The following ECM2 variants were observed in gnomAD, a reference collection of about 807,000 sequenced individuals.
ECM2 encodes extracellular matrix protein 2.
A neutral mutation model predicts 67.5 loss-of-function variants in ECM2; 57 were observed. The observed-to-expected ratio is 0.84, with a 90% CI of 0.68 to 1.05. ECM2 has a LOEUF of 1.05. Ranked by LOEUF, ECM2 falls within the 50% of genes least tolerant of loss-of-function variation. The pLI, the probability that ECM2 is intolerant of heterozygous loss-of-function variation, is 0.00. For synonymous variants in ECM2, 258 were observed against 294.5 expected (o/e 0.88, Z 1.27); for missense variants, 741 against 822.8 (o/e 0.90, Z 1.22).
Position 92,495,535 on chromosome 9 carries a change from T to C in ECM2, c.*780A>G. ...TAATTAATTTGTATTTTAAGCAAAC[T>C]CTACTGCTTTTCAAAAAATGTCTTA... On this transcript the variant is annotated 3_prime_UTR_variant, in exon 10 of 10. Coordinates refer to ENST00000344604, the MANE Select transcript of ECM2 (RefSeq NM_001393.4). The C allele has an allele frequency of 8.1e-6, 8 of 982,158 alleles. No individual in the cohort carries two copies. In the South Asian group the frequency reaches 3.3e-4, roughly 41 times the overall value. The allele number at this position is 982,158 out of a possible 1,614,324, so 60.8% of individuals were successfully genotyped here.
chr9:92,521,852 A>G (rs936140142), intron 2 of ECM2, among the ~76,000 whole-genome samples: 32 of 152,300 alleles, frequency 2.1e-4, no homozygotes, highest in African/African-American at 7.0e-4. Flanking sequence ...TCTGTATTCT[A>G]GATGATCTAT....
chr9:92,517,520 C>A, intron 3 of ECM2, 167 bp downstream of exon 3: 1 of 869,120 alleles, frequency 1.2e-6, no homozygotes, highest in South Asian at 1.6e-5. Context: ...ATATCCCCTA[C>A]CATACATTTT....
At chr9:92,529,725 T>G (rs1848632522) in intron 1 of ECM2, among the ~76,000 whole-genome samples, 1 of 152,200 alleles carries the variant, frequency 6.6e-6, no homozygotes, top group Non-Finnish European at 1.5e-5. Flanking sequence ...ATGGCATATG[T>G]ATGATTTCAA....
chr9:92,509,076 TGTCTAGCACAGTCCCGAAACAAGCA>T (rs1011105821), intron 6 of ECM2, among the ~76,000 whole-genome samples: 20 of 151,756 alleles, frequency 1.3e-4, no homozygotes, highest in African/African-American at 4.8e-4. Context: ...CAACTTCAGC[TGTCTAGCACAGTCCCGAAACAAGCA>T]GAAGAGGGGC....
the ECM2 span, among the ~76,000 whole-genome samples, chr9:92,543,013 A>G: frequency 1.3e-5 from 2 of 152,280 alleles, no homozygotes; most frequent in East Asian, 3.9e-4. Context: ...CTTTTGTCAA[A>G]AACCAATTCA....
chr9:92,537,818 G>A (rs1298222737), upstream of ECM2, among the ~76,000 whole-genome samples: 1 of 152,102 alleles, frequency 6.6e-6, no homozygotes, highest in Non-Finnish European at 1.5e-5. Context: ...AAACAGGAAG[G>A]TTATTTTTTC....
chr9:92,495,809 A>T lies in ECM2; in HGVS notation c.*506T>A. The T allele has an allele frequency of 1.0e-6, 1 of 954,572 alleles. No homozygotes were observed. The highest frequency in any genetic ancestry group is 1.2e-6 in the Non-Finnish European group (1 of 801,888). The allele number at this position is 954,572 out of a possible 1,614,324, so 59.1% of individuals were successfully genotyped here. ...ATGAAAGCTACCCCAATATTCAGTT[A>T]TATTTATACCAGTAATTATAGCACA... On this transcript the variant is annotated 3_prime_UTR_variant, in exon 10 of 10. Transcript: ENST00000344604.
At chr9:92,530,551 G>A (rs1848683577) in intron 1 of ECM2, among the ~76,000 whole-genome samples, 1 of 152,012 alleles carries the variant, frequency 6.6e-6, no homozygotes, top group Non-Finnish European at 1.5e-5. Context: ...CTAATAATTT[G>A]CCTTGTTTGT....
At chr9:92,528,172 G>C (rs1400971569) in intron 1 of ECM2, 2 of 152,272 alleles carry the variant, frequency 1.3e-5, no homozygotes, top group Non-Finnish European at 2.9e-5. Context: ...CTTAAAAATA[G>C]AGCAACATAT....
intron 7 of ECM2, 30 bp from the exon 8 acceptor site, chr9:92,502,682 T>G: frequency 6.7e-7 from 1 of 1,500,544 alleles, no homozygotes; most frequent in Non-Finnish European, 9.1e-7. Context: ...CTATTATTTT[T>G]CTTTTGTGTT....
Position 92,535,967 on chromosome 9 carries a change from T to A in ECM2, c.-62A>T. 1 of 509,856 alleles carries A rather than the reference T, an allele frequency of 2.0e-6. No homozygotes were observed. Among genetic ancestry groups the A allele is most frequent in the Non-Finnish European group, 3.9e-6 (1 of 257,876 alleles). 31.6% of individuals were successfully genotyped at this position (509,856 alleles called of 1,614,324 possible). On this transcript the variant is annotated 5_prime_UTR_variant, in exon 1 of 10. Transcript: ENST00000344604. Reference sequence around the variant, plus strand: ...TAAACTAAGTAGGCTTTGCTTGGTGTCATTTAAGTCTCCAGCTGAAAATGA... The same window carrying A: ...TAAACTAAGTAGGCTTTGCTTGGTGACATTTAAGTCTCCAGCTGAAAATGA...
chr9:92,557,078 T>C, the ECM2 span, among the ~76,000 whole-genome samples: 3 of 152,230 alleles, frequency 2.0e-5, no homozygotes, highest in Admixed American at 6.5e-5. Context: ...ATATCTTTCC[T>C]TCACATGATG....
chr9:92,504,400 A>G (rs747352075), intron 7 of ECM2, among the ~76,000 whole-genome samples: 5 of 152,166 alleles, frequency 3.3e-5, no homozygotes, highest in Non-Finnish European at 5.9e-5. Context: ...GCAGCCGGAG[A>G]ATGCTCCATC....
In ECM2 at chr9:92,496,233, A is replaced by G; in HGVS notation, c.*82T>C. The G allele has an allele frequency of 1.3e-6, 2 of 1,495,942 alleles. No homozygotes were observed. Among genetic ancestry groups the G allele is most frequent in the Non-Finnish European group, 1.8e-6 (2 of 1,134,288 alleles). The allele number at this position is 1,495,942 out of a possible 1,614,324, so 92.7% of individuals were successfully genotyped here. A position where few individuals can be genotyped will look rare whatever the true frequency, so the allele number is the denominator to read the frequency against. On this transcript the variant is annotated 3_prime_UTR_variant, in exon 10 of 10. Transcript: ENST00000344604. Reference sequence around the variant, plus strand: ...TAATGATACTGAGTATAACAGGAGGATTATGTCTCTCTTATTAATGACAAA... The same window carrying G: ...TAATGATACTGAGTATAACAGGAGGGTTATGTCTCTCTTATTAATGACAAA...
At chr9:92,541,608 C>G (rs1849322284), upstream of ECM2, among the ~76,000 whole-genome samples, 1 of 151,844 alleles carries the variant, frequency 6.6e-6, no homozygotes, top group Non-Finnish European at 1.5e-5. Context: ...GCTTATTTCA[C>G]TTAGCATAAT....
chr9:92,517,460 GT>G lies in ECM2; in HGVS notation c.481+226del, dbSNP rs1847799184. 4.8e-6 allele frequency: 3 copies of G among 622,852 alleles called. No homozygotes were observed. The South Asian group carries it at 6.1e-5, about 13-fold the overall frequency. The allele number at this position is 622,852 out of a possible 1,614,324, so 38.6% of individuals were successfully genotyped here. ...AAATGTGGAATGTAATCTCATCCAA[GT>G]TTACTGAATCTGATAGAGCTAGAAC... On this transcript the variant is annotated intron_variant, in intron 3 of 9. Transcript: ENST00000344604.
intron 6 of ECM2, 120 bp downstream of exon 6, chr9:92,509,779 T>C: frequency 7.2e-6 from 8 of 1,111,930 alleles, no homozygotes; most frequent in Non-Finnish European, 9.8e-6. Flanking sequence ...ACTCAAATGG[T>C]TAAGTGACCT....
chr9:92,505,423 C>A, intron 7 of ECM2, 110 bp downstream of exon 7: 1 of 975,042 alleles, frequency 1.0e-6, no homozygotes. Context: ...CTGTATACAG[C>A]ATGAAACTAG....
intron 7 of ECM2, among the ~76,000 whole-genome samples, chr9:92,502,912 A>G (rs1285119336): frequency 6.7e-6 from 1 of 149,272 alleles, no homozygotes; most frequent in Non-Finnish European, 1.5e-5. Flanking sequence ...GGCTCAAGTG[A>G]TCCTACCACC....
Sources: allele counts gnomAD v4.1 joint callset (sites outside exome capture counted in the v4.1 genomes callset), GRCh38; gene constraint gnomAD v4.1.1; transcripts MANE v1.5; gene names NCBI Gene and HGNC (gene_info 2026-07-23, HGNC 2026-07-21).